Variants in SGCZ observed in about 807,000 individuals in gnomAD.
SGCZ encodes the protein sarcoglycan zeta, also known as zeta-sarcoglycan.
In SGCZ, 40 loss-of-function variants were observed where a neutral mutation model predicts 41.3. The observed-to-expected ratio is 0.97, with a 90% confidence interval of 0.75 to 1.26. The LOEUF (loss-of-function observed/expected upper bound fraction) is 1.26. Among genes scored for constraint, SGCZ ranks in the 50% most tolerant of loss-of-function variants. The pLI, the probability that SGCZ is intolerant of heterozygous loss-of-function variation, is 0.00. For synonymous variants in SGCZ, 206 were observed against 137.5 expected, an observed-to-expected ratio of 1.50 and a Z score of -3.49; for missense variants, 552 against 369.8, an observed-to-expected ratio of 1.49 and a Z score of -4.04.
chr8:14,253,920 AG>A (rs1334666136), intron 3 of SGCZ, among the ~76,000 whole-genome samples: 3 of 117,264 alleles, frequency 2.6e-5, no homozygotes, highest in Non-Finnish European at 5.2e-5. Flanking sequence ...AAAAAATTAC[AG>A]TTTTTCTCAC....
chr8:14,617,663 G>A (rs1806149387), intron 1 of SGCZ, among the ~76,000 whole-genome samples: 1 of 152,074 alleles, frequency 6.6e-6, no homozygotes, highest in African/African-American at 2.4e-5. Context: ...GTCCAGTTAG[G>A]GCAATGGCTT....
At chr8:14,097,407 G>C (rs932772199) in intron 7 of SGCZ, among the ~76,000 whole-genome samples, 2 of 152,210 alleles carry the variant, frequency 1.3e-5, no homozygotes, top group African/African-American at 4.8e-5. Context: ...GTGTGATTTT[G>C]AGTGAGTTTC....
At chr8:14,723,872 A>C (rs1270552470) in intron 1 of SGCZ, among the ~76,000 whole-genome samples, 1 of 152,082 alleles carries the variant, frequency 6.6e-6, no homozygotes, top group African/African-American at 2.4e-5. Context: ...CATTCTATAA[A>C]TAGAGTGGTA....
intron 2 of SGCZ, among the ~76,000 whole-genome samples, chr8:14,512,672 C>T (rs907158128): frequency 6.6e-6 from 1 of 151,794 alleles, no homozygotes; most frequent in Admixed American, 6.6e-5. Flanking sequence ...CATTATGTTG[C>T]CCAGGCTGGT....
At chr8:14,138,040 A>G (rs368623959) in intron 5 of SGCZ, among the ~76,000 whole-genome samples, 1 of 152,190 alleles carries the variant, frequency 6.6e-6, no homozygotes, top group African/African-American at 2.4e-5. Context: ...ATTCTTAAAG[A>G]AAAGAATTTT....
rs111247382 is a variant in SGCZ, at chr8:14,463,651, G to A, written c.234+91081C>T. ...AAAACACAGACAAACTGTATTTTGTGAAAATATTTTCAAAAATGTGTAACA... is the reference window on the plus strand; with the variant it reads ...AAAACACAGACAAACTGTATTTTGTAAAAATATTTTCAAAAATGTGTAACA... On this transcript the variant is annotated intron_variant, in intron 2 of 7. Transcript: ENST00000382080. Among the ~76,000 whole-genome samples, 1,484 of 151,642 alleles carry A rather than the reference G, an allele frequency of 9.8e-3. 20 individuals are homozygous for A. The highest frequency in any genetic ancestry group is 0.033 in the African/African-American group (1,381 of 41,432).
intron 2 of SGCZ, among the ~76,000 whole-genome samples, chr8:14,464,650 GTTC>G (rs759235150): frequency 6.0e-5 from 9 of 151,070 alleles, no homozygotes; most frequent in South Asian, 2.1e-4. Context: ...GGTTTAGTTT[GTTC>G]TTCTTTTTAT....
chr8:14,241,286 G>T (rs936831585), intron 3 of SGCZ, among the ~76,000 whole-genome samples: 1 of 151,720 alleles, frequency 6.6e-6, no homozygotes, highest in East Asian at 1.9e-4. Flanking sequence ...TTCTTGCTGA[G>T]AAGATAAAGG....
chr8:14,661,296 CTGTCA>C (rs1807739612), intron 1 of SGCZ, among the ~76,000 whole-genome samples: 1 of 152,100 alleles, frequency 6.6e-6, no homozygotes, highest in Admixed American at 6.6e-5. Flanking sequence ...ATGTTTCCAT[CTGTCA>C]TAATTTCAAC....
At chr8:14,238,942 T>C (rs930793071) in intron 3 of SGCZ, among the ~76,000 whole-genome samples, 8 of 151,994 alleles carry the variant, frequency 5.3e-5, no homozygotes, top group African/African-American at 1.7e-4. Flanking sequence ...TATTAGGATT[T>C]GGAATTGGTG....
intron 1 of SGCZ, among the ~76,000 whole-genome samples, chr8:14,717,585 G>A (rs561996523): frequency 1.6e-4 from 24 of 152,136 alleles, no homozygotes; most frequent in African/African-American, 5.8e-4. Context: ...TCATGGGTAT[G>A]CAAACTGTAC....
Position 14,822,841 on chromosome 8 carries a change from C to T in SGCZ, c.40-267915G>A, listed in dbSNP as rs553882238. Among the ~76,000 whole-genome samples the T allele has an allele frequency of 3.3e-5, 5 of 152,140 alleles. No homozygotes were observed. The South Asian group carries it at 1.0e-3, about 32-fold the overall frequency. ...TAAACTCAAAATGAATTCAAGGCTT[C>T]AGCGCAGCTCGTGACCAGCGTGTGC... On this transcript the variant is annotated intron_variant, in intron 1 of 7. Transcript: ENST00000382080.
At chr8:14,604,821 C>G (rs1805697454) in intron 1 of SGCZ, among the ~76,000 whole-genome samples, 1 of 152,166 alleles carries the variant, frequency 6.6e-6, no homozygotes, top group African/African-American at 2.4e-5. Context: ...CACTGTTAGA[C>G]ACCACAGCGT....
intron 1 of SGCZ, among the ~76,000 whole-genome samples, chr8:14,799,690 ATT>A (rs369207193): frequency 0.078 from 11,701 of 150,950 alleles, 1,405 homozygotes; most frequent in African/African-American, 0.26. Context: ...ATAAAAAAAA[ATT>A]TTTTTTTTTA....
chr8:14,756,413 G>A (rs1316807460), intron 1 of SGCZ, among the ~76,000 whole-genome samples: 2 of 152,080 alleles, frequency 1.3e-5, no homozygotes, highest in Non-Finnish European at 2.9e-5. Flanking sequence ...TCAAACTCCC[G>A]ACCTCAGGTG....
intron 2 of SGCZ, among the ~76,000 whole-genome samples, chr8:14,391,316 G>A (rs1804762213): frequency 1.3e-5 from 2 of 151,526 alleles, no homozygotes; most frequent in South Asian, 4.2e-4. Context: ...TATAAAAGTT[G>A]TATACAATTA....
At chr8:15,111,626 G>T (rs1310222745) in intron 1 of SGCZ, among the ~76,000 whole-genome samples, 3 of 152,194 alleles carry the variant, frequency 2.0e-5, no homozygotes, top group Admixed American at 6.5e-5. Flanking sequence ...TTTCGGCCGG[G>T]TGTGGTGGTT....
intron 5 of SGCZ, among the ~76,000 whole-genome samples, chr8:14,125,984 T>C: frequency 6.6e-6 from 1 of 152,106 alleles, no homozygotes; most frequent in East Asian, 1.9e-4. Context: ...TAACTCAAGA[T>C]AGATTAAAGA....
intron 1 of SGCZ, among the ~76,000 whole-genome samples, chr8:15,053,782 T>C (rs1388832477): frequency 6.6e-6 from 1 of 152,188 alleles, no homozygotes; most frequent in Non-Finnish European, 1.5e-5. Context: ...TCATTCAATT[T>C]GGATATTTCT....
Sources: gnomAD v4.1 joint callset for allele counts (sites outside exome capture counted in the v4.1 genomes callset) on GRCh38, gnomAD v4.1.1 for gene constraint, MANE v1.5 for transcripts, NCBI Gene and HGNC (gene_info 2026-07-23, HGNC 2026-07-21) for gene names.